Variants in P2RY10 observed in about 807,000 individuals in gnomAD.
P2RY10 encodes the protein putative P2Y purinoceptor 10.
In P2RY10, 4 loss-of-function variants were observed where a neutral mutation model predicts 12.1. The ratio of observed to expected loss-of-function variants is 0.33; its 90% CI spans 0.16 to 0.76. The LOEUF (loss-of-function observed/expected upper bound fraction) is 0.76. Among genes scored for constraint, P2RY10 ranks in the 30% least tolerant of loss-of-function variants. The probability of loss-of-function intolerance (pLI) is 0.61; values close to 1 mark genes in which losing one functional copy is unlikely to be tolerated. For synonymous variants in P2RY10, 112 were observed against 94.1 expected (o/e 1.19, Z -1.10); for missense variants, 233 against 264.6 (o/e 0.88, Z 0.83).
At chrX:78,955,828 A>G (rs1922310083) in intron 3 of P2RY10, among the ~76,000 whole-genome samples, 1 of 112,161 alleles carries the variant, frequency 8.9e-6, no homozygotes, top group Non-Finnish European at 1.9e-5. Flanking sequence ...ATCGTTGTGG[A>G]TGATTCTATA....
intron 3 of P2RY10, among the ~76,000 whole-genome samples, chrX:78,953,543 C>A (rs1922201953): frequency 1.8e-5 from 2 of 112,322 alleles, no homozygotes; most frequent in Admixed American, 9.4e-5. Flanking sequence ...AACTGCGATA[C>A]CTTTTTTATA....
At position 78,946,766 on chromosome X, in the gene P2RY10, C is replaced by T. The variant is rs184314208; in HGVS notation, c.-205-1049C>T. 4.4e-5 allele frequency among the ~76,000 whole-genome samples: 5 copies of T among 112,400 alleles called. No individual in the cohort carries two copies. In the East Asian group the frequency reaches 1.4e-3, roughly 31 times the overall value. ...TGTTTTTGCAATGGTTCCTGTTGAACACAGATTCTTTGGCCAAATGCAGTT... is the reference window on the plus strand; with the variant it reads ...TGTTTTTGCAATGGTTCCTGTTGAATACAGATTCTTTGGCCAAATGCAGTT... On this transcript the variant is annotated intron_variant, in intron 1 of 3. Coordinates refer to ENST00000171757, the MANE Select transcript of P2RY10 (RefSeq NM_014499.4).
intron 3 of P2RY10, among the ~76,000 whole-genome samples, chrX:78,959,659 G>T (rs975831546): frequency 1.8e-5 from 2 of 111,631 alleles, no homozygotes; most frequent in African/African-American, 3.3e-5. Context: ...GCCCTGTTTT[G>T]CTAGTGCCCA....
intron 3 of P2RY10, among the ~76,000 whole-genome samples, chrX:78,958,902 T>C (rs1055344812): frequency 8.9e-6 from 1 of 112,200 alleles, no homozygotes; most frequent in Non-Finnish European, 1.9e-5. Flanking sequence ...ATCTGTGAAT[T>C]CATCACTTGA....
chrX:78,963,249 A>G lies in P2RY10; in HGVS notation c.*1709A>G, dbSNP rs996630151. On this transcript the variant is annotated 3_prime_UTR_variant, in exon 4 of 4. Transcript: ENST00000171757. ...GTGACTATGGAAGAATGAATAGCAA[A>G]AAAAGGAGAATTTTTTTAAAAAGAT... 4.4e-5 allele frequency among the ~76,000 whole-genome samples: 5 copies of G among 112,470 alleles called. No homozygotes were observed. Among genetic ancestry groups the G allele is most frequent in the Admixed American group, 1.9e-4 (2 of 10,613 alleles).
At chrX:78,953,155 T>C (rs1922183135) in intron 3 of P2RY10, among the ~76,000 whole-genome samples, 1 of 112,378 alleles carries the variant, frequency 8.9e-6, no homozygotes, top group Non-Finnish European at 1.9e-5. Context: ...CAGGCTGGTG[T>C]AGCAGGAGAA....
At position 78,963,672 on chromosome X, in the gene P2RY10, T is replaced by C. The variant is rs1922745018; in HGVS notation, c.*2132T>C. ...TTGAACTTTTTTTTTGACATGTGAATCTCTAATGTGGTGAGAGAGAAAAAC... is the reference window on the plus strand; with the variant it reads ...TTGAACTTTTTTTTTGACATGTGAACCTCTAATGTGGTGAGAGAGAAAAAC... On this transcript the variant is annotated 3_prime_UTR_variant, in exon 4 of 4. Coordinates refer to ENST00000171757, the MANE Select transcript of P2RY10 (RefSeq NM_014499.4). 8.9e-6 allele frequency among the ~76,000 whole-genome samples: 1 copy of C among 112,225 alleles called. No homozygotes were observed. Among genetic ancestry groups the C allele is most frequent in the African/African-American group, 3.2e-5 (1 of 30,894 alleles).
In P2RY10 at chrX:78,961,615, C is replaced by T. The variant is rs1474063677; in HGVS notation, c.*75C>T. The T allele has an allele frequency of 1.3e-6, 1 of 768,726 alleles. No individual in the cohort carries two copies. Among genetic ancestry groups the T allele is most frequent in the Non-Finnish European group, 1.9e-6 (1 of 524,285 alleles). 63.4% of individuals were successfully genotyped at this position (768,726 alleles called of 1,213,427 possible). On this transcript the variant is annotated 3_prime_UTR_variant, in exon 4 of 4. Transcript: ENST00000171757. ...TTTTTCCAAAGGCCAGAATTGTCAA[C>T]CAATTTCTTTAATTGAACATTGTAA...
chrX:78,949,144 A>G (rs1452382694), intron 2 of P2RY10, among the ~76,000 whole-genome samples: 1 of 111,097 alleles, frequency 9.0e-6, no homozygotes, highest in Non-Finnish European at 1.9e-5. Flanking sequence ...ACGATTAGTG[A>G]TGTGGAGCAT....
At position 78,962,041 on chromosome X, in the gene P2RY10, C is replaced by A. The variant is rs758989825; in HGVS notation, c.*501C>A. 1 of 116,553 alleles carries A rather than the reference C, an allele frequency of 8.6e-6. No homozygotes were observed. Among genetic ancestry groups the A allele is most frequent in the African/African-American group, 3.2e-5 (1 of 30,859 alleles). 9.6% of individuals were successfully genotyped at this position (116,553 alleles called of 1,213,427 possible). A position where few individuals can be genotyped will look rare whatever the true frequency, so the allele number is the denominator to read the frequency against. ...AATATGTGCATAAATTTCAGGACCACAAGCCTGTTATTAAAGAAAAGGCAT... is the reference window on the plus strand; with the variant it reads ...AATATGTGCATAAATTTCAGGACCAAAAGCCTGTTATTAAAGAAAAGGCAT... On this transcript the variant is annotated 3_prime_UTR_variant, in exon 4 of 4. Coordinates refer to ENST00000171757, the MANE Select transcript of P2RY10 (RefSeq NM_014499.4).
At position 78,961,598 on chromosome X, in the gene P2RY10, A is replaced by T; in HGVS notation, c.*58A>T. The T allele has an allele frequency of 1.1e-6, 1 of 919,042 alleles. No homozygotes were observed. The highest frequency in any genetic ancestry group is 1.5e-6 in the Non-Finnish European group (1 of 656,399). The allele number at this position is 919,042 out of a possible 1,213,427, so 75.7% of individuals were successfully genotyped here. A position where few individuals can be genotyped will look rare whatever the true frequency, so the allele number is the denominator to read the frequency against. On this transcript the variant is annotated 3_prime_UTR_variant, in exon 4 of 4. Transcript: ENST00000171757. The stretch of plus-strand genomic sequence containing the variant: ...TACCTACGTTCCTTGTCTTTTTCCA[A>T]AGGCCAGAATTGTCAACCAATTTCT...
At chrX:78,949,769 T>C in intron 2 of P2RY10, among the ~76,000 whole-genome samples, 1 of 112,256 alleles carries the variant, frequency 8.9e-6, no homozygotes, top group Admixed American at 9.4e-5. Flanking sequence ...GTGTATCTCA[T>C]GTCAACCAGG....
Position 78,961,804 on chromosome X carries a change from C to T in P2RY10, c.*264C>T. 2 of 271,228 alleles carry T rather than the reference C, an allele frequency of 7.4e-6. No homozygotes were observed. The highest frequency in any genetic ancestry group is 1.3e-5 in the Non-Finnish European group (2 of 148,344). 22.4% of individuals were successfully genotyped at this position (271,228 alleles called of 1,213,427 possible). A position where few individuals can be genotyped will look rare whatever the true frequency, so the allele number is the denominator to read the frequency against. ...TTAAGAAACCTAGATCAAGTTTTTACAGATGTAAATAAAAGTTGAATAGTT... is the reference window on the plus strand; with the variant it reads ...TTAAGAAACCTAGATCAAGTTTTTATAGATGTAAATAAAAGTTGAATAGTT... On this transcript the variant is annotated 3_prime_UTR_variant, in exon 4 of 4. Transcript: ENST00000171757.
Position 78,961,711 on chromosome X carries a change from A to G in P2RY10, c.*171A>G, listed in dbSNP as rs1922635549. ...GTGTGATGGTGAAGGCAGAGTGTGA[A>G]AAACGTGAGAGAGGAAGAGAAAATA... On this transcript the variant is annotated 3_prime_UTR_variant, in exon 4 of 4. Transcript: ENST00000171757. 1.1e-5 allele frequency: 4 copies of G among 362,123 alleles called. No individual in the cohort carries two copies. In the East Asian group the frequency reaches 1.7e-4, roughly 16 times the overall value. The allele number at this position is 362,123 out of a possible 1,213,427, so 29.8% of individuals were successfully genotyped here.
intron 2 of P2RY10, among the ~76,000 whole-genome samples, chrX:78,949,960 G>A (rs1336248025): frequency 9.0e-6 from 1 of 111,685 alleles, no homozygotes; most frequent in African/African-American, 3.3e-5. Flanking sequence ...GGTAAGATGA[G>A]GCAAAGCAAG....
Position 78,961,547 on chromosome X carries a change from G to A in P2RY10, c.*7G>A. 8 of 1,158,389 alleles carry A rather than the reference G, an allele frequency of 6.9e-6. No individual in the cohort carries two copies. Among genetic ancestry groups the A allele is most frequent in the Non-Finnish European group, 9.3e-6 (8 of 856,656 alleles). On this transcript the variant is annotated 3_prime_UTR_variant, in exon 4 of 4. Transcript: ENST00000171757. ...TTCATCAATGATTGGCTAAAATTAA[G>A]ATATCTCTTTAATTACGCCTTTGTT...
intron 3 of P2RY10, 93 bp downstream of exon 3, chrX:78,952,428 A>G (rs750263401): frequency 7.9e-5 from 38 of 482,555 alleles, no homozygotes; most frequent in Non-Finnish European, 8.7e-5. Flanking sequence ...CCACAGAAGT[A>G]CTGACTGAAG....
At chrX:78,956,387 T>A (rs1350630794) in intron 3 of P2RY10, among the ~76,000 whole-genome samples, 1 of 111,561 alleles carries the variant, frequency 9.0e-6, no homozygotes, top group Non-Finnish European at 1.9e-5. Context: ...ATATCAAGGT[T>A]TTTAATTTAT....
At chrX:78,947,925 A>G in intron 2 of P2RY10, 62 bp downstream of exon 2, 1 of 362,845 alleles carries the variant, frequency 2.8e-6, no homozygotes, top group South Asian at 1.4e-4. Flanking sequence ...ACTTTCTGAA[A>G]TCTAATTTCC....
Sources: allele counts gnomAD v4.1 joint callset (sites outside exome capture counted in the v4.1 genomes callset), GRCh38; gene constraint gnomAD v4.1.1; transcripts MANE v1.5; gene names NCBI Gene and HGNC (gene_info 2026-07-23, HGNC 2026-07-21).